ZNF438: variants seen among roughly 807,000 people sequenced by gnomAD.
The protein encoded by ZNF438 is zinc finger protein 438.
A neutral mutation model predicts 38.0 loss-of-function variants in ZNF438; 25 were observed. The ratio of observed to expected loss-of-function variants is 0.66; its 90% confidence interval spans 0.48 to 0.92. The LOEUF (loss-of-function observed/expected upper bound fraction) is 0.92. ZNF438 is among the 40% of genes least tolerant of loss of function. ZNF438 has a pLI of 0.00. For missense variants in ZNF438, 1,007 were observed against 999.6 expected (o/e 1.01, Z -0.10); for synonymous variants, 372 against 364.1 (o/e 1.02, Z -0.25).
intron 1 of ZNF438, among the ~76,000 whole-genome samples, chr10:30,953,799 C>A (rs534886224): frequency 4.6e-5 from 7 of 152,116 alleles, no homozygotes; most frequent in Non-Finnish European, 1.0e-4. Flanking sequence ...AGATGAATAA[C>A]TCTTCTTATG....
chr10:30,895,984 C>G (rs1278562590), intron 3 of ZNF438, among the ~76,000 whole-genome samples: 1 of 152,106 alleles, frequency 6.6e-6, no homozygotes, highest in African/African-American at 2.4e-5. Flanking sequence ...TATGGTCTAG[C>G]AATTCCACAT....
intron 3 of ZNF438, among the ~76,000 whole-genome samples, chr10:30,882,558 A>G (rs747732445): frequency 6.6e-6 from 1 of 152,216 alleles, no homozygotes; most frequent in African/African-American, 2.4e-5. Flanking sequence ...ATGAAGAAAC[A>G]TGATGCTATA....
intron 1 of ZNF438, among the ~76,000 whole-genome samples, chr10:30,997,848 A>G (rs184922899): frequency 2.1e-4 from 32 of 152,230 alleles, no homozygotes; most frequent in Admixed American, 2.1e-3. Flanking sequence ...CCATCTTGAG[A>G]TGAGGAGGGG....
chr10:30,898,201 G>T (rs1163031803), intron 3 of ZNF438, among the ~76,000 whole-genome samples: 2 of 152,126 alleles, frequency 1.3e-5, no homozygotes, highest in Admixed American at 6.5e-5. Flanking sequence ...GACTTTCTAT[G>T]TATACTTTTT....
intron 1 of ZNF438, among the ~76,000 whole-genome samples, chr10:31,007,538 C>T (rs1407594248): frequency 6.6e-6 from 1 of 152,088 alleles, no homozygotes; most frequent in Non-Finnish European, 1.5e-5. Flanking sequence ...CCTTGGCCTC[C>T]CAAAGTGCTG....
At chr10:30,873,710 C>A (rs1475012369) in intron 4 of ZNF438, among the ~76,000 whole-genome samples, 2 of 152,176 alleles carry the variant, frequency 1.3e-5, no homozygotes, top group Non-Finnish European at 2.9e-5. Context: ...AAAGCTCAGG[C>A]TCTGTATGAT....
chr10:30,952,475 T>G (rs1409680125), intron 1 of ZNF438, among the ~76,000 whole-genome samples: 2 of 151,534 alleles, frequency 1.3e-5, no homozygotes, highest in Admixed American at 6.6e-5. Flanking sequence ...ACCTACAAAA[T>G]GGGAGAAAAT....
At chr10:30,993,290 G>A (rs2053692105) in intron 1 of ZNF438, among the ~76,000 whole-genome samples, 1 of 152,212 alleles carries the variant, frequency 6.6e-6, no homozygotes, top group Non-Finnish European at 1.5e-5. Context: ...GCCTAGGAGT[G>A]CAGAATGGTT....
intron 1 of ZNF438, among the ~76,000 whole-genome samples, chr10:30,973,626 G>A (rs577779186): frequency 3.9e-5 from 6 of 152,138 alleles, no homozygotes; most frequent in African/African-American, 9.6e-5. Context: ...TCCCACCCCC[G>A]GAAGCTCTTG....
At chr10:30,983,517 C>T (rs559298940) in intron 1 of ZNF438, among the ~76,000 whole-genome samples, 2 of 152,264 alleles carry the variant, frequency 1.3e-5, no homozygotes, top group African/African-American at 4.8e-5. Context: ...GAAATTCGCC[C>T]TCATGATCCA....
At chr10:31,004,580 GATAAT>G (rs2132901484) in intron 1 of ZNF438, among the ~76,000 whole-genome samples, 1 of 152,310 alleles carries the variant, frequency 6.6e-6, no homozygotes, top group Admixed American at 6.5e-5. Flanking sequence ...GAGGGAGTGA[GATAAT>G]AGACACGTCG....
chr10:30,917,638 G>T (rs1276235660), intron 2 of ZNF438, among the ~76,000 whole-genome samples: 1 of 152,030 alleles, frequency 6.6e-6, no homozygotes, highest in African/African-American at 2.4e-5. Context: ...CAAATCATTT[G>T]TTCCCTATTC....
intron 1 of ZNF438, among the ~76,000 whole-genome samples, chr10:31,020,400 T>G (rs1450395976): frequency 6.6e-6 from 1 of 152,176 alleles, no homozygotes; most frequent in Non-Finnish European, 1.5e-5. Flanking sequence ...CAAAAGCTGT[T>G]CATCAGAAAT....
intron 3 of ZNF438, among the ~76,000 whole-genome samples, chr10:30,878,429 A>G (rs2038766913): frequency 6.6e-6 from 1 of 152,008 alleles, no homozygotes; most frequent in African/African-American, 2.4e-5. Context: ...TGACCATCCC[A>G]TCCCCCTTTC....
At chr10:30,892,694 T>C (rs1045967896) in intron 3 of ZNF438, among the ~76,000 whole-genome samples, 3 of 152,200 alleles carry the variant, frequency 2.0e-5, no homozygotes, top group Non-Finnish European at 4.4e-5. Context: ...AACAGCTCTT[T>C]GCACCTTTCT....
intron 2 of ZNF438, among the ~76,000 whole-genome samples, chr10:30,931,591 C>A (rs1285283734): frequency 1.3e-5 from 2 of 152,164 alleles, no homozygotes; most frequent in Non-Finnish European, 2.9e-5. Flanking sequence ...CCATTTAGGT[C>A]AAATCCTTTG....
At chr10:30,874,578 T>A (rs1408418377) in intron 4 of ZNF438, among the ~76,000 whole-genome samples, 3 of 152,098 alleles carry the variant, frequency 2.0e-5, no homozygotes, top group Non-Finnish European at 4.4e-5. Flanking sequence ...AATGAATAAC[T>A]GGGCAATTCA....
At chr10:30,874,260 T>C (rs1334425727) in intron 4 of ZNF438, among the ~76,000 whole-genome samples, 1 of 151,358 alleles carries the variant, frequency 6.6e-6, no homozygotes, top group East Asian at 1.9e-4. Context: ...GCAATCCTCC[T>C]AGCTCAGCCT....
chr10:30,922,150 T>A (rs1274710983), intron 2 of ZNF438, among the ~76,000 whole-genome samples: 1 of 152,182 alleles, frequency 6.6e-6, no homozygotes, highest in Non-Finnish European at 1.5e-5. Flanking sequence ...CTTACAGGGA[T>A]TACCTCTTCT....
Sources: allele counts gnomAD v4.1 joint callset (sites outside exome capture counted in the v4.1 genomes callset), GRCh38; gene constraint gnomAD v4.1.1; transcripts MANE v1.5; gene names NCBI Gene and HGNC (gene_info 2026-07-23, HGNC 2026-07-21).